IQUB: variants seen among roughly 807,000 people sequenced by gnomAD.
The protein encoded by IQUB is IQ motif and ubiquitin domain containing, also known as IQ motif and ubiquitin-like domain-containing protein.
In IQUB, 86 loss-of-function variants were observed where a neutral mutation model predicts 86.4. That is an observed-to-expected ratio of 1.00 (90% confidence interval 0.84 to 1.19). The LOEUF (loss-of-function observed/expected upper bound fraction) is 1.19, where lower values mean the gene tolerates loss of function less well. Ranked by LOEUF, IQUB falls within the 50% of genes most tolerant of loss-of-function variation. IQUB has a pLI of 0.00. For synonymous variants in IQUB, 289 were observed against 304.5 expected, an observed-to-expected ratio of 0.95 and a Z score of 0.53; for missense variants, 946 against 916.9, an observed-to-expected ratio of 1.03 and a Z score of -0.41.
chr7:123,453,321 A>AAAAT (rs1793532288), intron 12 of IQUB, among the ~76,000 whole-genome samples: 1 of 147,074 alleles, frequency 6.8e-6, no homozygotes, highest in African/African-American at 2.5e-5. Flanking sequence ...AGAAAAAACA[A>AAAAT]AAATAAAAAC....
At chr7:123,489,060 A>G (rs1296952606) in intron 7 of IQUB, among the ~76,000 whole-genome samples, 1 of 152,214 alleles carries the variant, frequency 6.6e-6, no homozygotes, top group Non-Finnish European at 1.5e-5. Context: ...AATGAAGCTC[A>G]ATAACAGGCA....
At chr7:123,492,108 A>G (rs1795498016) in intron 7 of IQUB, among the ~76,000 whole-genome samples, 2 of 152,174 alleles carry the variant, frequency 1.3e-5, no homozygotes, top group Admixed American at 6.5e-5. Context: ...GAACCAGGAA[A>G]CAAACCATCC....
intron 1 of IQUB, 109 bp downstream of exon 1, chr7:123,534,383 G>C (rs1217841802): frequency 3.3e-5 from 5 of 152,394 alleles, no homozygotes; most frequent in Non-Finnish European, 7.3e-5. Context: ...CGCTCAGGTG[G>C]GAATCACTGC....
Position 123,517,530 on chromosome 7 carries a change from CAAAAAAAAA to C in IQUB, c.-4-5195_-4-5187del, listed in dbSNP as rs374712007. 2.9e-3 allele frequency among the ~76,000 whole-genome samples: 64 copies of C among 22,450 alleles called. 2 individuals carry two copies. The highest frequency in any genetic ancestry group is 8.2e-3 in the African/African-American group (41 of 5,006). 14.7% of individuals were successfully genotyped at this position (22,450 alleles called of 152,430 possible). A position where few individuals can be genotyped will look rare whatever the true frequency, so the allele number is the denominator to read the frequency against. On this transcript the variant is annotated intron_variant, in intron 1 of 12. Coordinates refer to ENST00000324698, the MANE Select transcript of IQUB (RefSeq NM_178827.5). The stretch of plus-strand genomic sequence containing the variant: ...TGGGTGACAGAGCGAGACTCCATCT[CAAAAAAAAA>C]AAAAAAAAAAAAAAAAAAGAAAGAG...
At chr7:123,528,282 C>G (rs141398916) in intron 1 of IQUB, among the ~76,000 whole-genome samples, 1 of 152,186 alleles carries the variant, frequency 6.6e-6, no homozygotes, top group Admixed American at 6.5e-5. Context: ...TCTTCTGCGT[C>G]GCTCACGCTG....
At position 123,479,937 on chromosome 7, in the gene IQUB, T is replaced by G; in HGVS notation, c.1268A>C (p.Gln423Pro). 1.2e-6 allele frequency: 2 copies of G among 1,612,078 alleles called. No individual in the cohort carries two copies. Among genetic ancestry groups the G allele is most frequent in the South Asian group, 1.1e-5 (1 of 90,666 alleles). The change falls in exon 8 of 13, where the codon CAA (glutamine) becomes CCA (proline). Residue 423 changes from glutamine (Q) to proline (P), a missense_variant. By Grantham distance (76) the Gln-to-Pro change is moderately conservative. Transcript: ENST00000324698. Reference sequence around the variant, plus strand: ...TTTCCTTTCAGCTCCAGTAAAAGATTGGTTAATACGTGTAAGTTCTTCTTG... The same window carrying G: ...TTTCCTTTCAGCTCCAGTAAAAGATGGGTTAATACGTGTAAGTTCTTCTTG... ...WRQEELTRIN[Q>P]SFTGAERKAA...
At chr7:123,503,512 T>C in intron 3 of IQUB, 149 bp from the exon 4 acceptor site, 2 of 543,062 alleles carry the variant, frequency 3.7e-6, no homozygotes, top group Non-Finnish European at 6.4e-6. Flanking sequence ...AGTAGCTTAA[T>C]ACAGCTATTA....
chr7:123,477,278 A>T (rs981136931), intron 8 of IQUB, among the ~76,000 whole-genome samples: 2 of 152,202 alleles, frequency 1.3e-5, no homozygotes, highest in Non-Finnish European at 2.9e-5. Context: ...CCTCAGAAAT[A>T]ACACGACACA....
At position 123,464,923 on chromosome 7, in the gene IQUB, G is replaced by T. The variant is rs766663504; in HGVS notation, c.1668C>A (p.Asn556Lys). ...DLMMRGVKHHNLEGLRKRIAT... is the reference protein window; with the variant it reads ...DLMMRGVKHHKLEGLRKRIAT... ...CAATTCTTTTTCTGAGTCCTTCAAG[G>T]TTATGATGTTTGACTCCTCTCATCA... is the stretch of plus-strand genomic sequence containing the variant. The change falls in exon 10 of 13, where the codon AAC (asparagine) becomes AAA (lysine). Residue 556 changes from asparagine to lysine, a missense_variant. Coordinates refer to ENST00000324698, the MANE Select transcript of IQUB (RefSeq NM_178827.5). 2.5e-6 allele frequency: 4 copies of T among 1,603,744 alleles called. No homozygotes were observed. Among genetic ancestry groups the T allele is most frequent in the African/African-American group, 1.3e-5 (1 of 74,360 alleles).
At chr7:123,456,297 G>A (rs912487080) in intron 12 of IQUB, among the ~76,000 whole-genome samples, 6 of 152,070 alleles carry the variant, frequency 3.9e-5, no homozygotes, top group Non-Finnish European at 5.9e-5. Context: ...CTTTGGGAAT[G>A]AACTTCAATC....
chr7:123,457,653 A>G, intron 11 of IQUB, 87 bp from the exon 12 acceptor site: 1 of 963,748 alleles, frequency 1.0e-6, no homozygotes, highest in Middle Eastern at 2.7e-4. Flanking sequence ...TAAATTATAG[A>G]GTATTTTTAA....
chr7:123,512,784 C>G (rs554819863), intron 1 of IQUB, among the ~76,000 whole-genome samples: 2 of 152,158 alleles, frequency 1.3e-5, no homozygotes, highest in Non-Finnish European at 2.9e-5. Context: ...TGTAGTAGCT[C>G]TGCTCTTACA....
chr7:123,522,059 C>T (rs556672508), intron 1 of IQUB, among the ~76,000 whole-genome samples: 10 of 151,954 alleles, frequency 6.6e-5, no homozygotes, highest in Non-Finnish European at 1.3e-4. Context: ...CCTACATGTT[C>T]CTGTGGGTGT....
At chr7:123,521,023 G>A (rs897043964) in intron 1 of IQUB, among the ~76,000 whole-genome samples, 1 of 152,136 alleles carries the variant, frequency 6.6e-6, no homozygotes, top group African/African-American at 2.4e-5. Flanking sequence ...CTGATTTGGG[G>A]TATGCTGAGT....
chr7:123,479,965 G>A lies in IQUB; in HGVS notation c.1240C>T (p.Arg414Trp), dbSNP rs532085367. The A allele has an allele frequency of 2.5e-5, 40 of 1,606,500 alleles. 1 individual carries two copies. The highest frequency in any genetic ancestry group is 1.7e-4 in the Middle Eastern group (1 of 6,018). The change falls in exon 8 of 13, where the codon CGG (arginine) becomes TGG (tryptophan). Residue 414 changes from arginine (R) to tryptophan (W), a missense_variant. Transcript: ENST00000324698. ...EFLYNALEFWRQEELTRINQS... is the reference protein window; with the variant it reads ...EFLYNALEFWWQEELTRINQS... ...TTAATACGTGTAAGTTCTTCTTGCCGCCAGACTAGAGGAATAACACAATAG... is the reference window on the plus strand; with the variant it reads ...TTAATACGTGTAAGTTCTTCTTGCCACCAGACTAGAGGAATAACACAATAG...
chr7:123,453,188 A>G (rs1007042563), intron 12 of IQUB, among the ~76,000 whole-genome samples: 14 of 150,808 alleles, frequency 9.3e-5, no homozygotes, highest in East Asian at 3.9e-4. Flanking sequence ...CATTTGAGCC[A>G]GAGGCCTGAT....
intron 10 of IQUB, chr7:123,462,884 A>G (rs1794067564): frequency 2.2e-6 from 1 of 453,432 alleles, no homozygotes; most frequent in Non-Finnish European, 4.4e-6. Context: ...TTATGATGAC[A>G]GAGGGCTCCA....
Position 123,464,899 on chromosome 7 carries a change from A to C in IQUB, c.1692T>G (p.Ile564Met). The change falls in exon 10 of 13, where the codon ATT (isoleucine) becomes ATG (methionine). Residue 564 changes from isoleucine to methionine, a missense_variant. Transcript: ENST00000324698. ...HHNLEGLRKR[I>M]ATLFFHYIKT... ...TGATATAATGAAAAAAGAGTGTCGC[A>C]ATTCTTTTTCTGAGTCCTTCAAGGT... 1 of 1,607,292 alleles carries C rather than the reference A, an allele frequency of 6.2e-7. No homozygotes were observed. Among genetic ancestry groups the C allele is most frequent in the Non-Finnish European group, 8.5e-7 (1 of 1,176,942 alleles).
intron 6 of IQUB, among the ~76,000 whole-genome samples, chr7:123,497,304 G>A (rs1795748923): frequency 6.6e-6 from 1 of 152,048 alleles, no homozygotes; most frequent in Admixed American, 6.6e-5. Flanking sequence ...ACCCAAGCCT[G>A]GTACATCATG....
Sources: gnomAD v4.1 joint callset for allele counts (sites outside exome capture counted in the v4.1 genomes callset) on GRCh38, gnomAD v4.1.1 for gene constraint, MANE v1.5 for transcripts, NCBI Gene and HGNC (gene_info 2026-07-23, HGNC 2026-07-21) for gene names.